AP3D1: variants seen among roughly 807,000 people sequenced by gnomAD.
AP3D1 encodes AP-3 complex subunit delta-1.
In AP3D1, 51 loss-of-function variants were observed where a neutral mutation model predicts 147.6. That is an observed-to-expected ratio of 0.35 (90% CI 0.28 to 0.44). The LOEUF (loss-of-function observed/expected upper bound fraction) is 0.44, where lower values mean the gene tolerates loss of function less well. Ranked by LOEUF, AP3D1 falls within the 20% of genes least tolerant of loss-of-function variation. The pLI, the probability that AP3D1 is intolerant of heterozygous loss-of-function variation, is 1.00. For missense variants in AP3D1, 1,421 were observed against 1,624.2 expected, an observed-to-expected ratio of 0.87 and a Z score of 2.15; for synonymous variants, 760 against 663.0, an observed-to-expected ratio of 1.15 and a Z score of -2.25.
chr19:2,131,742 C>T (rs1451330211), intron 5 of AP3D1, among the ~76,000 whole-genome samples: 2 of 130,786 alleles, frequency 1.5e-5, no homozygotes, highest in Admixed American at 1.5e-4. Context: ...CCGCGCCCAT[C>T]GGCCACGATC....
chr19:2,151,965 G>A (rs890388460), upstream of AP3D1, among the ~76,000 whole-genome samples: 5 of 152,366 alleles, frequency 3.3e-5, no homozygotes, highest in African/African-American at 1.2e-4. Flanking sequence ...AGCTGACGCG[G>A]CCTGAGAGCC....
intron 1 of AP3D1, among the ~76,000 whole-genome samples, chr19:2,140,853 G>C (rs1237962178): frequency 6.8e-6 from 1 of 147,338 alleles, no homozygotes; most frequent in South Asian, 2.1e-4. Context: ...TCACCTCCCA[G>C]GTTCAAGTGA....
At chr19:2,106,572 A>G (rs1430658131) in intron 31 of AP3D1, among the ~76,000 whole-genome samples, 2 of 152,114 alleles carry the variant, frequency 1.3e-5, no homozygotes, top group Admixed American at 6.6e-5. Context: ...AAAAAAAACA[A>G]AAGTACTGAA....
chr19:2,158,409 T>A (rs117761503), intron 1 of AP3D1, among the ~76,000 whole-genome samples: 1 of 150,002 alleles, frequency 6.7e-6, no homozygotes, highest in Non-Finnish European at 1.5e-5. Context: ...TGGGTTGTAG[T>A]GGAGTGGCAC....
At chr19:2,162,325 C>T (rs1257415224) in intron 1 of AP3D1, among the ~76,000 whole-genome samples, 4 of 142,022 alleles carry the variant, frequency 2.8e-5, no homozygotes, top group African/African-American at 1.0e-4. Context: ...CGTGAGCCAC[C>T]GCACCCGGCC....
chr19:2,157,186 T>C (rs896851164), intron 1 of AP3D1, among the ~76,000 whole-genome samples: 1 of 151,022 alleles, frequency 6.6e-6, no homozygotes, highest in Non-Finnish European at 1.5e-5. Flanking sequence ...CTCACGCCTG[T>C]AATCCCAGCA....
Position 2,132,584 on chromosome 19 carries a change from A to G in AP3D1, c.355-6T>C. The G allele has an allele frequency of 6.3e-7, 1 of 1,595,736 alleles. No individual in the cohort carries two copies. Among genetic ancestry groups the G allele is most frequent in the East Asian group, 2.3e-5 (1 of 44,254 alleles). On this transcript the variant is annotated splice_polypyrimidine_tract_variant and splice_region_variant and intron_variant, in intron 4 of 31. Coordinates refer to ENST00000643116, the MANE Select transcript of AP3D1 (RefSeq NM_001261826.3). ...TGGCTGGGGCTGCTCAAGTCCTGGA[A>G]AGTGAGAGAAAGGGGCCGTGGCCAG...
chr19:2,111,400 G>T, intron 25 of AP3D1, 68 bp from the exon 26 acceptor site: 1 of 1,570,884 alleles, frequency 6.4e-7, no homozygotes, highest in Non-Finnish European at 8.7e-7. Flanking sequence ...CTCCAGTATG[G>T]CCCAATACCC....
intron 1 of AP3D1, among the ~76,000 whole-genome samples, chr19:2,160,275 C>T (rs967683119): frequency 2.6e-5 from 4 of 152,132 alleles, no homozygotes; most frequent in African/African-American, 9.7e-5. Flanking sequence ...AGCCTGTAAT[C>T]CCAGCACCTT....
chr19:2,107,866 C>T (rs1002711207), intron 31 of AP3D1, among the ~76,000 whole-genome samples: 3 of 152,108 alleles, frequency 2.0e-5, no homozygotes, highest in African/African-American at 4.8e-5. Flanking sequence ...AGCGCGAATA[C>T]GGCACGCACC....
upstream of AP3D1, among the ~76,000 whole-genome samples, chr19:2,152,298 T>A (rs1176253475): frequency 6.6e-6 from 1 of 152,096 alleles, no homozygotes; most frequent in Non-Finnish European, 1.5e-5. Flanking sequence ...TCCCAGCACT[T>A]TGAGAGGCCG....
intron 4 of AP3D1, 88 bp from the exon 5 acceptor site, chr19:2,132,666 T>C (rs2018981999): frequency 5.4e-6 from 6 of 1,113,794 alleles, no homozygotes; most frequent in South Asian, 4.0e-5. Context: ...GGAGCGAAAT[T>C]CTCCCAGGAT....
intron 14 of AP3D1, 82 bp from the exon 15 acceptor site, chr19:2,118,914 G>T: frequency 1.5e-6 from 2 of 1,316,986 alleles, no homozygotes; most frequent in Non-Finnish European, 1.1e-6. Context: ...GGAGGCCTGG[G>T]CTCGTCACCA....
At chr19:2,107,697 A>G (rs144854278) in intron 31 of AP3D1, among the ~76,000 whole-genome samples, 18,708 of 150,040 alleles carry the variant, frequency 0.12, 1,286 homozygotes, top group Non-Finnish European at 0.16. Flanking sequence ...CTGAGACTGC[A>G]CCACTGCACT....
At chr19:2,119,677 C>T (rs1016365799) in intron 14 of AP3D1, among the ~76,000 whole-genome samples, 6 of 86,830 alleles carry the variant, frequency 6.9e-5, no homozygotes, top group African/African-American at 2.3e-4. Context: ...GCCTGGAAAA[C>T]AGATAGAGCA....
chr19:2,150,032 G>C lies in AP3D1; in HGVS notation c.96+1207C>G, dbSNP rs75663482. The stretch of plus-strand genomic sequence containing the variant: ...AAGTGGGGTGGAGAAGAACAAAAAT[G>C]ACCTCATTAAGGTGGGGGCAGGCGA... On this transcript the variant is annotated intron_variant, in intron 1 of 31. Transcript: ENST00000643116. Among the ~76,000 whole-genome samples, 22 of 152,350 alleles carry C rather than the reference G, an allele frequency of 1.4e-4. No homozygotes were observed. In the East Asian group the frequency reaches 3.7e-3, roughly 25 times the overall value.
Position 2,138,721 on chromosome 19 carries a change from TG to T in AP3D1, c.97-8del. ...ACTGAGATATGTATTTTGCCTATAA[TG>T]GGGGATAAACACAGAGATTACAAAC... On this transcript the variant is annotated splice_region_variant and splice_polypyrimidine_tract_variant and intron_variant, in intron 1 of 31. Coordinates refer to ENST00000643116, the MANE Select transcript of AP3D1 (RefSeq NM_001261826.3). 1.3e-6 allele frequency: 2 copies of T among 1,598,500 alleles called. No homozygotes were observed. The highest frequency in any genetic ancestry group is 1.7e-4 in the Middle Eastern group (1 of 6,026).
chr19:2,133,756 C>A (rs1416727650), intron 4 of AP3D1, among the ~76,000 whole-genome samples: 1 of 151,806 alleles, frequency 6.6e-6, no homozygotes, highest in Non-Finnish European at 1.5e-5. Context: ...CCCGCCATGG[C>A]CTCCCAAAGT....
At position 2,140,979 on chromosome 19, in the gene AP3D1, G is replaced by A. The variant is rs141424750; in HGVS notation, c.97-2265C>T. 2.2e-4 allele frequency among the ~76,000 whole-genome samples: 34 copies of A among 151,928 alleles called. No homozygotes were observed. The East Asian group carries it at 4.8e-3, about 22-fold the overall frequency. ...TCGCCACGTTGGCCAGGCTGGTCTC[G>A]AATTCCTGACCTCAGGTGATCTGCT... On this transcript the variant is annotated intron_variant, in intron 1 of 31. Coordinates refer to ENST00000643116, the MANE Select transcript of AP3D1 (RefSeq NM_001261826.3).
Sources: gnomAD v4.1 joint callset for allele counts (sites outside exome capture counted in the v4.1 genomes callset) on GRCh38, gnomAD v4.1.1 for gene constraint, MANE v1.5 for transcripts, NCBI Gene and HGNC (gene_info 2026-07-23, HGNC 2026-07-21) for gene names.